Variants in LUZP2 observed in about 807,000 individuals in gnomAD.
The protein encoded by LUZP2 is leucine zipper protein 2.
LUZP2 carries 52 observed loss-of-function variants against 51.6 expected under a neutral mutation model. The observed-to-expected ratio is 1.01, with a 90% CI of 0.81 to 1.27. The LOEUF is 1.27. Among genes scored for constraint, LUZP2 ranks in the 50% most tolerant of loss-of-function variants. The pLI, the probability that LUZP2 is intolerant of heterozygous loss-of-function variation, is 0.00. For missense variants in LUZP2, 436 were observed against 395.4 expected (o/e 1.10, Z -0.87); for synonymous variants, 154 against 137.3 (o/e 1.12, Z -0.85).
intron 1 of LUZP2, among the ~76,000 whole-genome samples, chr11:24,642,679 C>T (rs2133947666): frequency 6.6e-6 from 1 of 151,838 alleles, no homozygotes; most frequent in East Asian, 1.9e-4. Flanking sequence ...GTAAGGAAGA[C>T]TTTATTATAG....
At chr11:24,920,772 T>C (rs570803941) in intron 7 of LUZP2, among the ~76,000 whole-genome samples, 31 of 151,782 alleles carry the variant, frequency 2.0e-4, no homozygotes, top group African/African-American at 7.5e-4. Flanking sequence ...TATGGAATGA[T>C]GGATAATGAG....
intron 7 of LUZP2, among the ~76,000 whole-genome samples, chr11:24,961,678 T>C (rs1855412150): frequency 6.6e-6 from 1 of 152,186 alleles, no homozygotes; most frequent in Non-Finnish European, 1.5e-5. Context: ...TATAGCTCAT[T>C]GATGGGTCTT....
At chr11:25,068,051 A>G (rs2134050867) in intron 10 of LUZP2, among the ~76,000 whole-genome samples, 1 of 152,196 alleles carries the variant, frequency 6.6e-6, no homozygotes, top group South Asian at 2.1e-4. Context: ...CATTCTCAGC[A>G]AACTATCACA....
At chr11:24,593,180 G>A (rs927448462) in intron 1 of LUZP2, among the ~76,000 whole-genome samples, 7 of 151,950 alleles carry the variant, frequency 4.6e-5, no homozygotes, top group Admixed American at 2.6e-4. Flanking sequence ...CCTCTGCTCC[G>A]AACTCCCTAG....
intron 7 of LUZP2, among the ~76,000 whole-genome samples, chr11:24,957,458 A>C (rs935189550): frequency 6.6e-6 from 1 of 152,024 alleles, no homozygotes; most frequent in Non-Finnish European, 1.5e-5. Context: ...AAGAAAAAAA[A>C]TCATATTCCA....
chr11:24,850,133 T>G (rs181547203), intron 5 of LUZP2, among the ~76,000 whole-genome samples: 2 of 150,030 alleles, frequency 1.3e-5, no homozygotes, highest in Non-Finnish European at 3.0e-5. Context: ...TTTAATTAGA[T>G]CCCATTTGTC....
At chr11:24,498,413 T>G (rs1445570940) in intron 1 of LUZP2, among the ~76,000 whole-genome samples, 1 of 152,246 alleles carries the variant, frequency 6.6e-6, no homozygotes, top group Non-Finnish European at 1.5e-5. Context: ...CCGTTCCTAA[T>G]CTACACACCT....
chr11:24,659,999 A>G (rs1855965167), intron 1 of LUZP2, among the ~76,000 whole-genome samples: 1 of 152,148 alleles, frequency 6.6e-6, no homozygotes, highest in East Asian at 1.9e-4. Context: ...GTAACGAAAA[A>G]GATCCTAGGT....
chr11:24,722,173 C>T (rs982746079), intron 1 of LUZP2, among the ~76,000 whole-genome samples: 5 of 152,126 alleles, frequency 3.3e-5, no homozygotes, highest in African/African-American at 1.2e-4. Flanking sequence ...AGCCAGCTTA[C>T]ATTTCTTAAA....
At position 24,738,442 on chromosome 11, in the gene LUZP2, C is replaced by G. The variant is rs1367031724; in HGVS notation, c.333+140C>G. ...TAAAAGAAGCATCAGTCAATGTGAA[C>G]AGAATAGTACTTGGTCAGCTTTCAT... On this transcript the variant is annotated intron_variant, in intron 4 of 11. Transcript: ENST00000336930. 30 of 614,590 alleles carry G rather than the reference C, an allele frequency of 4.9e-5. No individual in the cohort carries two copies. The East Asian group carries it at 8.4e-4, about 17-fold the overall frequency. 38.1% of individuals were successfully genotyped at this position (614,590 alleles called of 1,614,324 possible).
At chr11:24,756,511 AC>A (rs1435568526) in intron 4 of LUZP2, among the ~76,000 whole-genome samples, 5 of 152,152 alleles carry the variant, frequency 3.3e-5, no homozygotes, top group African/African-American at 9.7e-5. Flanking sequence ...CCATGTGGCC[AC>A]CCAGGAATCA....
At chr11:24,821,182 G>A (rs561993527) in intron 5 of LUZP2, among the ~76,000 whole-genome samples, 7 of 152,198 alleles carry the variant, frequency 4.6e-5, no homozygotes, top group South Asian at 4.1e-4. Context: ...CTTCTTGTTC[G>A]ATAAGGGGCT....
intron 1 of LUZP2, among the ~76,000 whole-genome samples, chr11:24,563,366 T>G (rs909253697): frequency 1.3e-5 from 2 of 152,210 alleles, no homozygotes; most frequent in Non-Finnish European, 2.9e-5. Flanking sequence ...ATCAATTTAT[T>G]AAATAACTAT....
intron 5 of LUZP2, among the ~76,000 whole-genome samples, chr11:24,839,380 T>C (rs1448392717): frequency 6.6e-6 from 1 of 151,860 alleles, no homozygotes; most frequent in East Asian, 1.9e-4. Flanking sequence ...TAAATCATTT[T>C]TGTTAGAAAA....
intron 10 of LUZP2, among the ~76,000 whole-genome samples, chr11:25,074,718 A>G (rs1288475731): frequency 6.6e-6 from 1 of 152,188 alleles, no homozygotes; most frequent in Non-Finnish European, 1.5e-5. Context: ...CAAATTTCAT[A>G]GGTACATTTG....
At chr11:24,878,627 TTTTTA>T (rs1192204377) in intron 5 of LUZP2, among the ~76,000 whole-genome samples, 15 of 148,758 alleles carry the variant, frequency 1.0e-4, no homozygotes, top group African/African-American at 3.8e-4. Context: ...TCCCTTTTAG[TTTTTA>T]TTTTATTTTA....
At chr11:24,619,849 T>C (rs1340937588) in intron 1 of LUZP2, among the ~76,000 whole-genome samples, 1 of 152,194 alleles carries the variant, frequency 6.6e-6, no homozygotes, top group African/African-American at 2.4e-5. Context: ...GATGCAATTT[T>C]TTAAAATGCA....
chr11:24,762,572 C>A (rs754600850), intron 4 of LUZP2, among the ~76,000 whole-genome samples: 1 of 152,056 alleles, frequency 6.6e-6, no homozygotes, highest in African/African-American at 2.4e-5. Context: ...ATAGGGAACC[C>A]TCAGTGACTA....
rs76914686 is a variant in LUZP2 at position 24,499,297 on chromosome 11, C to A, written c.62+1992C>A. On this transcript the variant is annotated intron_variant, in intron 1 of 11. Transcript: ENST00000336930. ...TCATTTTACTGGATACCCAGAATAC[C>A]CTGTGATATTGAACAAATATGAAAA... Among the ~76,000 whole-genome samples, 334 of 152,114 alleles carry A rather than the reference C, an allele frequency of 2.2e-3. 2 individuals carry two copies. The highest frequency in any genetic ancestry group is 7.7e-3 in the African/African-American group (321 of 41,486).
Sources: allele counts gnomAD v4.1 joint callset (sites outside exome capture counted in the v4.1 genomes callset), GRCh38; gene constraint gnomAD v4.1.1; transcripts MANE v1.5; gene names NCBI Gene and HGNC (gene_info 2026-07-23, HGNC 2026-07-21).